The following FNDC3B variants were observed in gnomAD, a reference collection of about 807,000 sequenced individuals.
The protein encoded by FNDC3B is fibronectin type III domain-containing protein 3B.
Under a neutral mutation model 151.5 loss-of-function variants are expected in FNDC3B, and 12 were observed. The ratio of observed to expected loss-of-function variants is 0.08; its 90% CI spans 0.05 to 0.13. The LOEUF (loss-of-function observed/expected upper bound fraction) is 0.13. Among genes scored for constraint, FNDC3B ranks in the 10% least tolerant of loss-of-function variants. The probability of loss-of-function intolerance (pLI) is 1.00; values close to 1 mark genes in which losing one functional copy is unlikely to be tolerated. For missense variants in FNDC3B, 1,214 were observed against 1,505.3 expected (o/e 0.81, Z 3.20); for synonymous variants, 528 against 549.0 (o/e 0.96, Z 0.54).
intron 6 of FNDC3B, among the ~76,000 whole-genome samples, chr3:172,271,432 T>TA (rs903130126): frequency 6.6e-6 from 1 of 152,348 alleles, no homozygotes; most frequent in Non-Finnish European, 1.5e-5. Context: ...AGGACTTTTA[T>TA]AAAAAACATC....
At position 172,388,656 on chromosome 3, in the gene FNDC3B, G is replaced by C. The variant is rs537385705; in HGVS notation, c.3303+7563G>C. On this transcript the variant is annotated intron_variant, in intron 25 of 25. Transcript: ENST00000415807. ...CAGGCCTGGCGACATGGTGATTTTT[G>C]TGACATCATTAGTTCCTAAGTACTG... Among the ~76,000 whole-genome samples the C allele has an allele frequency of 7.2e-5, 11 of 152,300 alleles. No homozygotes were observed. In the South Asian group the frequency reaches 2.3e-3, roughly 32 times the overall value.
chr3:172,205,572 A>G (rs770345337), intron 3 of FNDC3B, among the ~76,000 whole-genome samples: 1 of 152,218 alleles, frequency 6.6e-6, no homozygotes, highest in Non-Finnish European at 1.5e-5. Context: ...TTAGAGGAGG[A>G]TGGCCCCAGT....
Position 172,364,289 on chromosome 3 carries a change from A to G in FNDC3B, c.3008+1444A>G, listed in dbSNP as rs186215349. Reference sequence around the variant, plus strand: ...ATCACAATCCATGTATAAAAAAACTAGCATTGGGGGAAATTTTTAAATGTC... The same window carrying G: ...ATCACAATCCATGTATAAAAAAACTGGCATTGGGGGAAATTTTTAAATGTC... On this transcript the variant is annotated intron_variant, in intron 23 of 25. Transcript: ENST00000415807. 1.3e-4 allele frequency among the ~76,000 whole-genome samples: 20 copies of G among 152,372 alleles called. No homozygotes were observed. In the East Asian group the frequency reaches 3.3e-3, roughly 25 times the overall value.
At chr3:172,305,303 A>G (rs1307808200) in intron 9 of FNDC3B, among the ~76,000 whole-genome samples, 2 of 152,234 alleles carry the variant, frequency 1.3e-5, no homozygotes, top group Non-Finnish European at 2.9e-5. Flanking sequence ...ATTGGAATTC[A>G]AATGTGTGAA....
intron 2 of FNDC3B, among the ~76,000 whole-genome samples, chr3:172,115,107 CAG>C (rs1720179702): frequency 3.9e-5 from 6 of 152,240 alleles, no homozygotes; most frequent in African/African-American, 1.4e-4. Flanking sequence ...TCAGCCTAGG[CAG>C]TGGCCTCTGT....
chr3:172,354,007 T>C (rs1203461413), intron 22 of FNDC3B, among the ~76,000 whole-genome samples: 1 of 151,832 alleles, frequency 6.6e-6, no homozygotes, highest in African/African-American at 2.4e-5. Context: ...AATCAATAAA[T>C]TATAAACTGG....
intron 1 of FNDC3B, among the ~76,000 whole-genome samples, chr3:172,071,106 G>T (rs1717756230): frequency 6.6e-6 from 1 of 151,986 alleles, no homozygotes; most frequent in South Asian, 2.1e-4. Context: ...CTAAAAATTA[G>T]TCTATTTTTC....
chr3:172,268,707 A>AT (rs1371655102), intron 6 of FNDC3B, among the ~76,000 whole-genome samples: 1 of 152,232 alleles, frequency 6.6e-6, no homozygotes, highest in African/African-American at 2.4e-5. Flanking sequence ...GGGAGATCAC[A>AT]TTATGTTACC....
At chr3:172,212,391 G>A (rs1576802551) in intron 3 of FNDC3B, among the ~76,000 whole-genome samples, 3 of 151,936 alleles carry the variant, frequency 2.0e-5, no homozygotes, top group Admixed American at 6.6e-5. Context: ...TTTTTACCGC[G>A]TTCTTTCCAA....
chr3:172,355,526 C>G (rs1045575593), intron 22 of FNDC3B, among the ~76,000 whole-genome samples: 2 of 151,870 alleles, frequency 1.3e-5, no homozygotes, highest in Admixed American at 6.6e-5. Context: ...AGGGGGGGGG[C>G]CTAGCACTTG....
At chr3:172,193,760 T>A (rs548749323) in intron 3 of FNDC3B, among the ~76,000 whole-genome samples, 20 of 152,222 alleles carry the variant, frequency 1.3e-4, no homozygotes, top group African/African-American at 4.8e-4. Context: ...GTGAGGAAAG[T>A]ACATCACAGA....
At chr3:172,127,485 G>A (rs1000167444) in intron 2 of FNDC3B, among the ~76,000 whole-genome samples, 1 of 152,064 alleles carries the variant, frequency 6.6e-6, no homozygotes, top group African/African-American at 2.4e-5. Flanking sequence ...TTCCCCACTT[G>A]TAAAATCTAG....
rs1314003311 is a variant in FNDC3B, at chr3:172,040,155, C to G, written c.-29+384C>G. On this transcript the variant is annotated intron_variant, in intron 1 of 25. Coordinates refer to ENST00000415807, the MANE Select transcript of FNDC3B (RefSeq NM_022763.4). The surrounding 1 kb of genome is among the most constrained non-coding windows in gnomAD (Gnocchi z 6.6). ...AGATTTTGTCCGAGGAATCCGCTCCCCCTCCCGGAATCTCCGCGGCAGGAA... is the reference window on the plus strand; with the variant it reads ...AGATTTTGTCCGAGGAATCCGCTCCGCCTCCCGGAATCTCCGCGGCAGGAA... Among the ~76,000 whole-genome samples, 1 of 152,218 alleles carries G rather than the reference C, an allele frequency of 6.6e-6. No individual in the cohort carries two copies. Among genetic ancestry groups the G allele is most frequent in the African/African-American group, 2.4e-5 (1 of 41,462 alleles).
intron 6 of FNDC3B, among the ~76,000 whole-genome samples, chr3:172,282,089 G>T (rs186395340): frequency 7.8e-4 from 119 of 152,234 alleles, no homozygotes; most frequent in African/African-American, 2.7e-3. Flanking sequence ...TAGTTAACTC[G>T]CTTATTTAGG....
chr3:172,145,576 T>G (rs1721860715), intron 3 of FNDC3B, among the ~76,000 whole-genome samples: 1 of 152,222 alleles, frequency 6.6e-6, no homozygotes, highest in African/African-American at 2.4e-5. Flanking sequence ...AATGTCAGTT[T>G]TTGCCTGCTG....
intron 3 of FNDC3B, among the ~76,000 whole-genome samples, chr3:172,139,230 C>T (rs533450107): frequency 1.3e-5 from 2 of 152,234 alleles, no homozygotes; most frequent in South Asian, 2.1e-4. Context: ...GTTTGGCACA[C>T]TAAAACACTG....
At chr3:172,096,531 A>G (rs1032999047) in intron 1 of FNDC3B, among the ~76,000 whole-genome samples, 5 of 152,194 alleles carry the variant, frequency 3.3e-5, no homozygotes, top group African/African-American at 9.7e-5. Flanking sequence ...CCAGGACCCT[A>G]GAGGAGAATT....
chr3:172,067,013 C>A (rs963348328), intron 1 of FNDC3B, among the ~76,000 whole-genome samples: 3 of 152,030 alleles, frequency 2.0e-5, no homozygotes, highest in Admixed American at 6.6e-5. Context: ...ACCAGATCAC[C>A]CTTTTCTCAG....
intron 25 of FNDC3B, among the ~76,000 whole-genome samples, chr3:172,395,755 T>C (rs965369299): frequency 2.2e-4 from 34 of 152,112 alleles, no homozygotes; most frequent in African/African-American, 8.2e-4. Flanking sequence ...GAATTGCAAA[T>C]TAAAGATAGG....
Sources: allele counts gnomAD v4.1 joint callset (sites outside exome capture counted in the v4.1 genomes callset), GRCh38; gene constraint gnomAD v4.1.1; non-coding constraint Gnocchi (gnomAD v3.1); transcripts MANE v1.5; gene names NCBI Gene and HGNC (gene_info 2026-07-23, HGNC 2026-07-21).